RASAL2: variants seen among roughly 807,000 people sequenced by gnomAD.
RASAL2 encodes the protein ras GTPase-activating protein nGAP.
Under a neutral mutation model 128.9 loss-of-function variants are expected in RASAL2, and 58 were observed. That is an observed-to-expected ratio of 0.45 (90% CI 0.36 to 0.56). The LOEUF is 0.56. Ranked by LOEUF, RASAL2 falls within the 20% of genes least tolerant of loss-of-function variation. RASAL2 has a pLI of 0.00. For missense variants in RASAL2, 1,360 were observed against 1,601.6 expected, an observed-to-expected ratio of 0.85 and a Z score of 2.57; for synonymous variants, 561 against 580.8, an observed-to-expected ratio of 0.97 and a Z score of 0.49.
At chr1:178,160,992 T>C (rs1213651416) in intron 1 of RASAL2, among the ~76,000 whole-genome samples, 2 of 152,238 alleles carry the variant, frequency 1.3e-5, no homozygotes, top group African/African-American at 4.8e-5. Context: ...TTCTCTGGCC[T>C]CTTCTTCCTC....
rs1262544892 is a variant in RASAL2, at chr1:178,474,118, C to A, written c.*879C>A. ...CTTCACACATTCACTGTGCTTTCCTCCCCATAGTGGGAGCTGTCATCACCA... is the reference window on the plus strand; with the variant it reads ...CTTCACACATTCACTGTGCTTTCCTACCCATAGTGGGAGCTGTCATCACCA... On this transcript the variant is annotated 3_prime_UTR_variant, in exon 18 of 18. Transcript: ENST00000367649. 1 of 152,650 alleles carries A rather than the reference C, an allele frequency of 6.6e-6. No homozygotes were observed. Among genetic ancestry groups the A allele is most frequent in the Non-Finnish European group, 1.5e-5 (1 of 68,054 alleles). 9.5% of individuals were successfully genotyped at this position (152,650 alleles called of 1,614,324 possible).
chr1:178,349,598 C>A lies in RASAL2; in HGVS notation c.458-40502C>A, dbSNP rs1046298483. 2.0e-5 allele frequency among the ~76,000 whole-genome samples: 3 copies of A among 151,894 alleles called. No individual in the cohort carries two copies. In the East Asian group the frequency reaches 5.8e-4, roughly 29 times the overall value. On this transcript the variant is annotated intron_variant, in intron 3 of 17. Coordinates refer to ENST00000367649, the MANE Select transcript of RASAL2 (RefSeq NM_170692.4). ...TTTCTAGGCTTTCTAAAGCTCTGAG[C>A]TTACTGTATAAAAACACTAATCTAG...
chr1:178,434,967 G>A (rs1482073717), intron 5 of RASAL2, among the ~76,000 whole-genome samples: 1 of 151,962 alleles, frequency 6.6e-6, no homozygotes, highest in Non-Finnish European at 1.5e-5. Context: ...CTTGCTGGTA[G>A]AGTATTAGGG....
At chr1:178,408,297 C>G (rs1046026097) in intron 4 of RASAL2, among the ~76,000 whole-genome samples, 1 of 152,068 alleles carries the variant, frequency 6.6e-6, no homozygotes, top group Non-Finnish European at 1.5e-5. Flanking sequence ...TCCTTTGTTT[C>G]CATTTAGACT....
At chr1:178,190,741 A>G (rs1662466923) in intron 1 of RASAL2, among the ~76,000 whole-genome samples, 1 of 152,104 alleles carries the variant, frequency 6.6e-6, no homozygotes, top group African/African-American at 2.4e-5. Flanking sequence ...ATAGTTAAAA[A>G]AAAAAAAAAT....
intron 3 of RASAL2, among the ~76,000 whole-genome samples, chr1:178,312,971 A>G (rs1318271248): frequency 2.6e-5 from 4 of 152,162 alleles, no homozygotes; most frequent in Admixed American, 6.5e-5. Context: ...TATTTTATGG[A>G]TAAGGAAACT....
At chr1:178,336,555 A>G (rs1456757661) in intron 3 of RASAL2, among the ~76,000 whole-genome samples, 1 of 152,096 alleles carries the variant, frequency 6.6e-6, no homozygotes, top group South Asian at 2.1e-4. Flanking sequence ...CATTAGCTTA[A>G]TAGGAAATCT....
intron 1 of RASAL2, among the ~76,000 whole-genome samples, chr1:178,257,311 A>G (rs1665407149): frequency 6.6e-6 from 1 of 152,154 alleles, no homozygotes; most frequent in African/African-American, 2.4e-5. Flanking sequence ...AGCAACCCAG[A>G]ATAGCCACAA....
chr1:178,426,571 A>C (rs1298747033), intron 5 of RASAL2, among the ~76,000 whole-genome samples: 1 of 152,114 alleles, frequency 6.6e-6, no homozygotes, highest in Non-Finnish European at 1.5e-5. Context: ...AGGTAAATCA[A>C]TTTATATCAT....
intron 4 of RASAL2, among the ~76,000 whole-genome samples, chr1:178,409,048 C>A (rs1200947124): frequency 6.6e-6 from 1 of 151,980 alleles, no homozygotes; most frequent in Non-Finnish European, 1.5e-5. Context: ...ACAGTTATAG[C>A]GGAAGGAGAA....
At chr1:178,189,331 T>C (rs1662412108) in intron 1 of RASAL2, among the ~76,000 whole-genome samples, 2 of 152,192 alleles carry the variant, frequency 1.3e-5, no homozygotes, top group African/African-American at 4.8e-5. Flanking sequence ...AATAGGGTTG[T>C]AGGACTGTGT....
At chr1:178,256,809 G>T (rs988505936) in intron 1 of RASAL2, among the ~76,000 whole-genome samples, 1 of 152,048 alleles carries the variant, frequency 6.6e-6, no homozygotes, top group Non-Finnish European at 1.5e-5. Context: ...GAGTAGCTGG[G>T]ACTACAAGCA....
chr1:178,310,447 G>T (rs1024014852), intron 3 of RASAL2, among the ~76,000 whole-genome samples: 1 of 151,912 alleles, frequency 6.6e-6, no homozygotes, highest in Non-Finnish European at 1.5e-5. Context: ...AGTTAATTGG[G>T]TCTCAAAACT....
At chr1:178,367,875 G>T (rs965979533) in intron 3 of RASAL2, among the ~76,000 whole-genome samples, 1 of 152,136 alleles carries the variant, frequency 6.6e-6, no homozygotes, top group Non-Finnish European at 1.5e-5. Flanking sequence ...GTAGATATCC[G>T]GACATACATT....
Position 178,420,632 on chromosome 1 carries a change from ACTTT to A in RASAL2, c.674+16_674+19del. 1 of 1,568,716 alleles carries A rather than the reference ACTTT, an allele frequency of 6.4e-7. No homozygotes were observed. Among genetic ancestry groups the A allele is most frequent in the Admixed American group, 1.8e-5 (1 of 55,664 alleles). ...AGTACAGATGACAGGTAGGAAGTTAACTTTCTTAAAACAAAAAAAGCAGTTTGAG... is the reference window on the plus strand; with the variant it reads ...AGTACAGATGACAGGTAGGAAGTTAACTTAAAACAAAAAAAGCAGTTTGAG... On this transcript the variant is annotated intron_variant, in intron 5 of 17. Transcript: ENST00000367649.
intron 1 of RASAL2, among the ~76,000 whole-genome samples, chr1:178,268,920 TCCTGTATTGGAGCA>T (rs767763500): frequency 2.9e-4 from 44 of 152,326 alleles, no homozygotes; most frequent in Admixed American, 1.6e-3. Flanking sequence ...CTTGCTTCTC[TCCTGTATTGGAGCA>T]CCTGTTTTTT....
intron 14 of RASAL2, among the ~76,000 whole-genome samples, chr1:178,460,036 T>C (rs16852854): frequency 0.078 from 11,868 of 152,244 alleles, 1,441 homozygotes; most frequent in African/African-American, 0.26. Flanking sequence ...TTGTGCTAGA[T>C]TCTAGTTGCG....
Position 178,458,392 on chromosome 1 carries a change from T to G in RASAL2, c.3100T>G (p.Ser1034Ala). The G allele has an allele frequency of 6.2e-7, 1 of 1,614,198 alleles. No homozygotes were observed. Among genetic ancestry groups the G allele is most frequent in the Non-Finnish European group, 8.5e-7 (1 of 1,180,030 alleles). The change falls in exon 14 of 18, where the codon TCT (serine) becomes GCT (alanine). Residue 1034 changes from serine to alanine, a missense_variant. By Grantham distance (99) the Ser-to-Ala change is moderately conservative. Transcript: ENST00000367649. ...CCCACCATCCCTGCCACACAGTGCTTCTTTACGTAGCACCGGGAGCATGTC... is the reference window on the plus strand; with the variant it reads ...CCCACCATCCCTGCCACACAGTGCTGCTTTACGTAGCACCGGGAGCATGTC... ...KAPPSLPHSA[S>A]LRSTGSMSVV...
intron 3 of RASAL2, among the ~76,000 whole-genome samples, chr1:178,340,792 G>C (rs1669831730): frequency 1.3e-5 from 2 of 152,030 alleles, no homozygotes; most frequent in South Asian, 4.1e-4. Flanking sequence ...TTAAGACTTT[G>C]CCTTTAGTAG....
Sources: gnomAD v4.1 joint callset for allele counts (sites outside exome capture counted in the v4.1 genomes callset) on GRCh38, gnomAD v4.1.1 for gene constraint, MANE v1.5 for transcripts, NCBI Gene and HGNC (gene_info 2026-07-23, HGNC 2026-07-21) for gene names.